Variants in VRK2 observed in about 807,000 individuals in gnomAD.
VRK2 encodes serine/threonine-protein kinase VRK2.
VRK2 carries 60 observed loss-of-function variants against 57.6 expected under a neutral mutation model. The ratio of observed to expected loss-of-function variants is 1.04; its 90% CI spans 0.85 to 1.29. VRK2 has a LOEUF of 1.29. Ranked by LOEUF, VRK2 falls within the 50% of genes most tolerant of loss-of-function variation. The pLI, the probability that VRK2 is intolerant of heterozygous loss-of-function variation, is 0.00. For missense variants in VRK2, 705 were observed against 588.1 expected (o/e 1.20, Z -2.06); for synonymous variants, 231 against 199.2 (o/e 1.16, Z -1.35).
intron 7 of VRK2, among the ~76,000 whole-genome samples, chr2:58,118,615 G>C (rs1437094099): frequency 6.6e-6 from 1 of 152,190 alleles, no homozygotes; most frequent in African/African-American, 2.4e-5. Context: ...GTCGTAGGTG[G>C]ATCTTTCTCA....
At chr2:57,948,734 A>C (rs1270598169) in intron 1 of VRK2, among the ~76,000 whole-genome samples, 1 of 152,182 alleles carries the variant, frequency 6.6e-6, no homozygotes, top group Non-Finnish European at 1.5e-5. Context: ...GGTGAGGATC[A>C]AAGAGAAGTA....
intron 1 of VRK2, among the ~76,000 whole-genome samples, chr2:57,955,778 TTACTG>T (rs1431851078): frequency 6.6e-6 from 1 of 152,118 alleles, no homozygotes; most frequent in Non-Finnish European, 1.5e-5. Flanking sequence ...TAAATAAAAT[TTACTG>T]TGAGAGATTA....
chr2:58,120,192 T>C (rs1315056296), intron 7 of VRK2, among the ~76,000 whole-genome samples: 2 of 116,110 alleles, frequency 1.7e-5, no homozygotes, highest in Non-Finnish European at 3.3e-5. Context: ...TTCTTTTTTT[T>C]TTTTTTTTTT....
At chr2:58,150,246 T>C (rs1682797061) in intron 12 of VRK2, among the ~76,000 whole-genome samples, 1 of 151,468 alleles carries the variant, frequency 6.6e-6, no homozygotes, top group Non-Finnish European at 1.5e-5. Flanking sequence ...GGGCTGATAA[T>C]TTGTTGTAGG....
chr2:58,023,978 A>AT (rs564635070), intron 1 of VRK2, among the ~76,000 whole-genome samples: 16,302 of 140,868 alleles, frequency 0.12, 1,248 homozygotes, highest in African/African-American at 0.2. Flanking sequence ...GTTGGTAAGA[A>AT]TTTTTTTTTT....
intron 7 of VRK2, among the ~76,000 whole-genome samples, chr2:58,114,905 C>T (rs1484262509): frequency 2.0e-5 from 3 of 152,126 alleles, no homozygotes; most frequent in Non-Finnish European, 2.9e-5. Flanking sequence ...TTTTAGTTTC[C>T]TGACTCGGGA....
intron 3 of VRK2, chr2:58,041,018 C>T: frequency 1.0e-6 from 1 of 984,796 alleles, no homozygotes; most frequent in Non-Finnish European, 1.2e-6. Context: ...CGGCCAGCTC[C>T]TCTTCTCCTC....
intron 1 of VRK2, among the ~76,000 whole-genome samples, chr2:57,989,942 G>C (rs1341519307): frequency 1.3e-5 from 2 of 152,160 alleles, no homozygotes; most frequent in African/African-American, 2.4e-5. Context: ...GAAATGAGAA[G>C]TTTAAAGTTC....
At chr2:58,072,695 A>G (rs1350460088) in intron 2 of VRK2, among the ~76,000 whole-genome samples, 3 of 151,856 alleles carry the variant, frequency 2.0e-5, no homozygotes, top group Non-Finnish European at 4.4e-5. Context: ...ATCCATCTTT[A>G]TGAGAGATAT....
chr2:58,024,079 G>A (rs898360469), intron 1 of VRK2, among the ~76,000 whole-genome samples: 5 of 150,662 alleles, frequency 3.3e-5, no homozygotes, highest in Non-Finnish European at 7.4e-5. Flanking sequence ...TCCGCCTCCC[G>A]GGTTCACGTC....
rs189370710 is a variant in VRK2, at chr2:58,022,447, T to C, written c.-438-3218T>C. Among the ~76,000 whole-genome samples the C allele has an allele frequency of 2.8e-4, 42 of 152,304 alleles. 1 individual carries two copies. The East Asian group carries it at 7.7e-3, about 28-fold the overall frequency. ...GACATTATGTTTCTAATGTAAATTT[T>C]GTATAGTGTTTTAAGCAACAAGGCA... On this transcript the variant is annotated intron_variant, in intron 1 of 15. Transcript: ENST00000417641.
intron 1 of VRK2, among the ~76,000 whole-genome samples, chr2:57,944,339 A>G (rs556725321): frequency 1.8e-3 from 273 of 152,350 alleles, no homozygotes; most frequent in African/African-American, 6.4e-3. Flanking sequence ...TGGGAGCCTG[A>G]GGGGCCATTT....
chr2:58,117,828 G>A (rs912824805), intron 7 of VRK2, among the ~76,000 whole-genome samples: 2 of 152,118 alleles, frequency 1.3e-5, no homozygotes, highest in African/African-American at 4.8e-5. Flanking sequence ...TAAGAATATA[G>A]GCTAAGGGAG....
intron 2 of VRK2, among the ~76,000 whole-genome samples, chr2:58,056,976 C>T (rs76816447): frequency 0.04 from 6,146 of 152,176 alleles, 147 homozygotes; most frequent in Middle Eastern, 0.068. Context: ...GTGTTCATAA[C>T]TTCTCTCTTT....
At chr2:57,944,972 C>T (rs2717041) in intron 1 of VRK2, among the ~76,000 whole-genome samples, 98,105 of 151,822 alleles carry the variant, frequency 0.65, 32,072 homozygotes, top group African/African-American at 0.77. Context: ...AATTAGACTC[C>T]GTTGTTACAG....
chr2:57,996,672 A>C (rs900418522), intron 1 of VRK2, among the ~76,000 whole-genome samples: 3 of 152,234 alleles, frequency 2.0e-5, no homozygotes, highest in Non-Finnish European at 4.4e-5. Flanking sequence ...AAGTAATGTC[A>C]TCCAAAAAAG....
chr2:58,000,296 G>A (rs1199979460), intron 1 of VRK2, among the ~76,000 whole-genome samples: 1 of 152,068 alleles, frequency 6.6e-6, no homozygotes, highest in Non-Finnish European at 1.5e-5. Flanking sequence ...TTACCTCTAA[G>A]GTAACTGGGT....
At chr2:57,942,935 A>AT (rs796325831) in intron 1 of VRK2, among the ~76,000 whole-genome samples, 46 of 152,184 alleles carry the variant, frequency 3.0e-4, no homozygotes, top group African/African-American at 1.1e-3. Flanking sequence ...ATGCCTTAGG[A>AT]TTTTTTCTCT....
intron 2 of VRK2, among the ~76,000 whole-genome samples, chr2:58,076,324 C>T (rs1670103970): frequency 6.6e-6 from 1 of 151,920 alleles, no homozygotes; most frequent in African/African-American, 2.4e-5. Flanking sequence ...CTTAAATGTG[C>T]TCAGAACACT....
Sources: gnomAD v4.1 joint callset for allele counts (sites outside exome capture counted in the v4.1 genomes callset) on GRCh38, gnomAD v4.1.1 for gene constraint, MANE v1.5 for transcripts, NCBI Gene and HGNC (gene_info 2026-07-23, HGNC 2026-07-21) for gene names.